Variants in PTHLH observed in about 807,000 individuals in gnomAD.
PTHLH encodes parathyroid hormone-related protein.
A neutral mutation model predicts 18.6 loss-of-function variants in PTHLH; 5 were observed. That is an observed-to-expected ratio of 0.27 (90% CI 0.14 to 0.56). The LOEUF is 0.56. Among genes scored for constraint, PTHLH ranks in the 20% least tolerant of loss-of-function variants. PTHLH has a pLI of 0.92. For synonymous variants in PTHLH, 90 were observed against 94.0 expected (o/e 0.96, Z 0.25); for missense variants, 207 against 223.9 (o/e 0.92, Z 0.48).
At chr12:27,967,464 T>C (rs1158664570) in intron 4 of PTHLH, among the ~76,000 whole-genome samples, 5 of 152,210 alleles carry the variant, frequency 3.3e-5, no homozygotes, top group African/African-American at 1.2e-4. Flanking sequence ...TTTGATTATA[T>C]GTTAAAATTT....
chr12:27,969,401 G>C lies in PTHLH; in HGVS notation c.94C>G (p.Arg32Gly). The C allele has an allele frequency of 1.3e-6, 2 of 1,580,124 alleles. No individual in the cohort carries two copies. Among genetic ancestry groups the C allele is most frequent in the Non-Finnish European group, 8.6e-7 (1 of 1,166,372 alleles). ...SCGRSVEGLS[R>G]RLKRAVSEHQ... ...GGAGGATGGGGCACTTACAGGCGGC[G>C]GCTGAGACCCTCCACCGAGCGCCCG... The change falls in exon 4 of 6, where the codon CGC (arginine) becomes GGC (glycine). Residue 32 changes from arginine to glycine, a missense_variant. Physicochemically the swap from Arg to Gly is moderately radical, Grantham distance 125. Coordinates refer to ENST00000545234, the MANE Select transcript of PTHLH (RefSeq NM_198965.2).
At chr12:27,965,795 G>C (rs2062807564) in intron 4 of PTHLH, among the ~76,000 whole-genome samples, 1 of 152,154 alleles carries the variant, frequency 6.6e-6, no homozygotes, top group Admixed American at 6.5e-5. Context: ...TTGAGGCTTT[G>C]GTACAAGGTA....
intron 4 of PTHLH, among the ~76,000 whole-genome samples, chr12:27,965,443 C>A (rs2120646178): frequency 6.6e-6 from 1 of 152,298 alleles, no homozygotes; most frequent in East Asian, 1.9e-4. Context: ...CCAGAAAGTT[C>A]ATTTTCATCA....
At position 27,964,254 on chromosome 12, in the gene PTHLH, CT is replaced by C. The variant is rs1424546309; in HGVS notation, c.102-485del. Among the ~76,000 whole-genome samples, 288 of 41,164 alleles carry C rather than the reference CT, an allele frequency of 7.0e-3. 1 individual carries two copies. The highest frequency in any genetic ancestry group is 0.039 in the South Asian group (55 of 1,404). The allele number at this position is 41,164 out of a possible 152,430, so 27.0% of individuals were successfully genotyped here. Reference sequence around the variant, plus strand: ...GAGTATTCTCTCTCTCTCTCTCTCTCTCTCTCTCTCTCTCCTCTCTCTCTCT... The same window carrying C: ...GAGTATTCTCTCTCTCTCTCTCTCTCCTCTCTCTCTCTCCTCTCTCTCTCT... On this transcript the variant is annotated intron_variant, in intron 4 of 5. Coordinates refer to ENST00000545234, the MANE Select transcript of PTHLH (RefSeq NM_198965.2).
intron 5 of PTHLH, among the ~76,000 whole-genome samples, chr12:27,961,299 ACG>A (rs1491472444): frequency 2.4e-4 from 3 of 12,582 alleles, no homozygotes; most frequent in African/African-American, 9.1e-4. Flanking sequence ...ATATATATAT[ACG>A]TATATATATA....
intron 5 of PTHLH, among the ~76,000 whole-genome samples, chr12:27,958,783 A>G (rs1314410041): frequency 6.6e-6 from 1 of 152,224 alleles, no homozygotes; most frequent in Non-Finnish European, 1.5e-5. Flanking sequence ...AACCTGACTT[A>G]GCCCATATGT....
intron 5 of PTHLH, chr12:27,961,692 T>C: frequency 2.2e-6 from 1 of 446,710 alleles, no homozygotes; most frequent in South Asian, 4.5e-5. Flanking sequence ...GGATAGGTCA[T>C]TCACTGTGCT....
At chr12:27,968,059 T>C (rs1288609247) in intron 4 of PTHLH, among the ~76,000 whole-genome samples, 1 of 152,214 alleles carries the variant, frequency 6.6e-6, no homozygotes, top group Non-Finnish European at 1.5e-5. Context: ...TATGTATGAA[T>C]TTCAAATTAT....
At chr12:27,967,753 A>G (rs1171093420) in intron 4 of PTHLH, among the ~76,000 whole-genome samples, 1 of 152,206 alleles carries the variant, frequency 6.6e-6, no homozygotes, top group Non-Finnish European at 1.5e-5. Flanking sequence ...CTACAATATT[A>G]TATTTCACCC....
At chr12:27,958,698 T>C (rs1350183097) in intron 5 of PTHLH, 130 bp from the exon 6 acceptor site, 5 of 833,208 alleles carry the variant, frequency 6.0e-6, no homozygotes, top group Admixed American at 2.7e-5. Flanking sequence ...GGGAACTTCT[T>C]GTAAATATCT....
In PTHLH at chr12:27,963,571, C is replaced by T. The variant is rs764720667; in HGVS notation, c.301G>A (p.Gly101Ser). The change falls in exon 5 of 6, where the codon GGC becomes AGC. Residue 101 changes from glycine (G) to serine (S), a missense_variant. By Grantham distance (56) the Gly-to-Ser change is moderately conservative (BLOSUM62 0). Transcript: ENST00000545234. Reference sequence around the variant, plus strand: ...TTAGTTTCCTGAGTTAGGTATCTGCCCTCATCATCAGACCCAAATCGGACG... The same window carrying T: ...TTAGTTTCCTGAGTTAGGTATCTGCTCTCATCATCAGACCCAAATCGGACG... ...HPVRFGSDDE[G>S]RYLTQETNKV... 4 of 1,614,154 alleles carry T rather than the reference C, an allele frequency of 2.5e-6. No individual in the cohort carries two copies. The East Asian group carries it at 8.9e-5, about 36-fold the overall frequency.
chr12:27,969,287 G>A (rs995758797), intron 4 of PTHLH, 107 bp downstream of exon 4: 9 of 1,145,134 alleles, frequency 7.9e-6, no homozygotes, highest in Non-Finnish European at 1.0e-5. Flanking sequence ...CCCTAACCCG[G>A]GCAAGGAGCA....
At chr12:27,961,739 A>C (rs1215718686) in intron 5 of PTHLH, 1 of 489,344 alleles carries the variant, frequency 2.0e-6, no homozygotes, top group African/African-American at 2.0e-5. Flanking sequence ...TTGATTACTG[A>C]AGCTGTACTA....
In PTHLH at chr12:27,969,501, C is replaced by G; in HGVS notation, c.-7G>C. On this transcript the variant is annotated 5_prime_UTR_variant, in exon 4 of 6. Coordinates refer to ENST00000545234, the MANE Select transcript of PTHLH (RefSeq NM_198965.2). ...GAACCAGTCTCCGCTGCATCGTCTC[C>G]GCTCGCGCTCGGGACCTGCAACAGA... 6.4e-7 allele frequency: 1 copy of G among 1,563,938 alleles called. No homozygotes were observed. Among genetic ancestry groups the G allele is most frequent in the Non-Finnish European group, 8.6e-7 (1 of 1,156,562 alleles).
intron 5 of PTHLH, chr12:27,961,767 C>T (rs180770499): frequency 3.6e-5 from 19 of 532,802 alleles, no homozygotes; most frequent in African/African-American, 3.1e-4. Context: ...CATATGATTG[C>T]TATTTTATGT....
rs778459165 is a variant in PTHLH, at chr12:27,963,366, G to A, written c.506C>T (p.Ser169Leu). Reference protein sequence around the residue: ...GDHLSDTSTTSLELDSRRH With the variant: ...GDHLSDTSTTLLELDSRRH ...CTGTTACCGTGAATCGAGCTCCAGC[G>A]ACGTTGTGGAGGTGTCAGACAGGTG... The change falls in exon 5 of 6, where the codon TCG (serine) becomes TTG (leucine). Residue 169 changes from serine to leucine, a missense_variant. Transcript: ENST00000545234. The A allele has an allele frequency of 2.6e-5, 42 of 1,614,090 alleles. No individual in the cohort carries two copies. Among genetic ancestry groups the A allele is most frequent in the Non-Finnish European group, 3.1e-5 (36 of 1,180,036 alleles).
chr12:27,971,815 A>ACT (rs925331163), intron 2 of PTHLH, 112 bp downstream of exon 2: 3 of 151,854 alleles, frequency 2.0e-5, no homozygotes, highest in South Asian at 2.1e-4. Context: ...ACACACACAC[A>ACT]CTCTCTCTCT....
intron 4 of PTHLH, among the ~76,000 whole-genome samples, chr12:27,964,738 C>A (rs1031605834): frequency 6.6e-6 from 1 of 152,144 alleles, no homozygotes; most frequent in African/African-American, 2.4e-5. Flanking sequence ...TTAAATGACA[C>A]TCTAATGAAA....
rs1159832875 is a variant in PTHLH at position 27,959,647 on chromosome 12, C to T, written c.525-1079G>A. On this transcript the variant is annotated intron_variant, in intron 5 of 5. Coordinates refer to ENST00000545234, the MANE Select transcript of PTHLH (RefSeq NM_198965.2). ...ATATATGGGTGTAAGACCTACAAAG[C>T]AGCATATTCTTAACAATTTTGGGGT... Among the ~76,000 whole-genome samples the T allele has an allele frequency of 5.3e-5, 8 of 152,180 alleles. No individual in the cohort carries two copies. In the East Asian group the frequency reaches 1.5e-3, roughly 29 times the overall value.
Sources: gnomAD v4.1 joint callset for allele counts (sites outside exome capture counted in the v4.1 genomes callset) on GRCh38, gnomAD v4.1.1 for gene constraint, MANE v1.5 for transcripts, NCBI Gene and HGNC (gene_info 2026-07-23, HGNC 2026-07-21) for gene names.